RBFOX1: variants seen among roughly 807,000 people sequenced by gnomAD.
RBFOX1 encodes RNA binding protein fox-1 homolog 1.
RBFOX1 carries 8 observed loss-of-function variants against 57.7 expected under a neutral mutation model. The ratio of observed to expected loss-of-function variants is 0.14; its 90% CI spans 0.08 to 0.25. The LOEUF (loss-of-function observed/expected upper bound fraction) is 0.25. Ranked by LOEUF, RBFOX1 falls within the 10% of genes least tolerant of loss-of-function variation. The pLI is 1.00. For missense variants in RBFOX1, 611 were observed against 548.5 expected, an observed-to-expected ratio of 1.11 and a Z score of -1.14; for synonymous variants, 326 against 222.4, an observed-to-expected ratio of 1.47 and a Z score of -4.15.
intron 4 of RBFOX1, among the ~76,000 whole-genome samples, chr16:5,984,834 G>A (rs368343256): frequency 6.6e-6 from 1 of 151,332 alleles, no homozygotes; most frequent in Non-Finnish European, 1.5e-5. Flanking sequence ...ACTGAATACT[G>A]TAGGCAGTTG....
intron 2 of RBFOX1, among the ~76,000 whole-genome samples, chr16:6,385,684 C>G (rs1028649483): frequency 1.3e-5 from 2 of 152,226 alleles, no homozygotes; most frequent in African/African-American, 2.4e-5. Context: ...AACCTACTTT[C>G]TAACACTATT....
At chr16:6,256,168 T>TA (rs2097661282) in intron 1 of RBFOX1, among the ~76,000 whole-genome samples, 2 of 12,652 alleles carry the variant, frequency 1.6e-4, no homozygotes, top group Admixed American at 2.9e-3. Context: ...TGTATATATA[T>TA]ATGTATATAT....
At chr16:5,492,395 C>T (rs1301872239) in intron 2 of RBFOX1, among the ~76,000 whole-genome samples, 1 of 152,158 alleles carries the variant, frequency 6.6e-6, no homozygotes, top group African/African-American at 2.4e-5. Flanking sequence ...AGGGAGTTTG[C>T]AGTTTAATGA....
At chr16:5,901,171 C>A (rs994048038) in intron 4 of RBFOX1, among the ~76,000 whole-genome samples, 9 of 152,186 alleles carry the variant, frequency 5.9e-5, no homozygotes, top group African/African-American at 1.9e-4. Context: ...TCCCTGGACC[C>A]TCTCAGCTTA....
At chr16:5,914,289 T>C (rs533183195) in intron 4 of RBFOX1, among the ~76,000 whole-genome samples, 1 of 152,320 alleles carries the variant, frequency 6.6e-6, no homozygotes, top group African/African-American at 2.4e-5. Flanking sequence ...ATAAGAAATT[T>C]TTATTATCCC....
intron 4 of RBFOX1, among the ~76,000 whole-genome samples, chr16:5,997,096 C>T (rs372889897): frequency 6.9e-6 from 1 of 144,144 alleles, no homozygotes; most frequent in Admixed American, 6.9e-5. Flanking sequence ...TCCAAACCCA[C>T]CAGGAAGCAC....
intron 1 of RBFOX1, among the ~76,000 whole-genome samples, chr16:5,262,198 C>G (rs947672800): frequency 6.6e-6 from 1 of 152,116 alleles, no homozygotes; most frequent in African/African-American, 2.4e-5. Flanking sequence ...CATGCAGTAA[C>G]GGGGAGAGAG....
chr16:5,539,289 C>A (rs950624116), intron 2 of RBFOX1, among the ~76,000 whole-genome samples: 2 of 152,046 alleles, frequency 1.3e-5, no homozygotes, highest in Non-Finnish European at 2.9e-5. Flanking sequence ...TGTTTTTAAA[C>A]CTTGTTCCAA....
intron 2 of RBFOX1, among the ~76,000 whole-genome samples, chr16:5,526,666 C>G (rs1445505802): frequency 6.6e-6 from 1 of 152,166 alleles, no homozygotes; most frequent in Non-Finnish European, 1.5e-5. Flanking sequence ...GGCTGGCATC[C>G]CAGCCCAGGT....
chr16:6,957,232 C>T (rs757786825), intron 3 of RBFOX1, among the ~76,000 whole-genome samples: 5 of 151,426 alleles, frequency 3.3e-5, no homozygotes, highest in African/African-American at 9.7e-5. Context: ...CCCGGGTTCA[C>T]GCCATTCTCC....
chr16:6,676,673 CTTTTTTTTTT>C (rs756578276), intron 3 of RBFOX1, among the ~76,000 whole-genome samples: 1 of 103,550 alleles, frequency 9.7e-6, no homozygotes, highest in Admixed American at 1.2e-4. Context: ...TTTTTCTTTT[CTTTTTTTTTT>C]TTTTTTTTTG....
intron 4 of RBFOX1, among the ~76,000 whole-genome samples, chr16:7,509,728 T>C (rs554546094): frequency 2.3e-4 from 35 of 151,398 alleles, no homozygotes; most frequent in African/African-American, 8.2e-4. Context: ...AATTTACCTA[T>C]TGCTATCTCT....
At chr16:5,466,423 T>C (rs950435319) in intron 1 of RBFOX1, among the ~76,000 whole-genome samples, 1 of 152,194 alleles carries the variant, frequency 6.6e-6, no homozygotes, top group East Asian at 1.9e-4. Context: ...ACGGAGGTGC[T>C]TGGCTGATTT....
intron 4 of RBFOX1, among the ~76,000 whole-genome samples, chr16:7,364,266 A>G (rs866829136): frequency 6.6e-6 from 1 of 152,174 alleles, no homozygotes; most frequent in Admixed American, 6.5e-5. Flanking sequence ...GCCAGGAAAG[A>G]CGGAACCCTT....
chr16:7,150,224 G>A (rs1179785503), intron 4 of RBFOX1, among the ~76,000 whole-genome samples: 1 of 152,122 alleles, frequency 6.6e-6, no homozygotes, highest in Non-Finnish European at 1.5e-5. Flanking sequence ...CTATTGGCTG[G>A]CAACCATTTA....
At chr16:7,336,486 C>T (rs756552077) in intron 4 of RBFOX1, among the ~76,000 whole-genome samples, 7 of 152,216 alleles carry the variant, frequency 4.6e-5, no homozygotes, top group Non-Finnish European at 8.8e-5. Flanking sequence ...ATATTCACCT[C>T]ATCATGCATT....
chr16:7,481,169 T>C (rs1277450741), intron 4 of RBFOX1, among the ~76,000 whole-genome samples: 1 of 152,172 alleles, frequency 6.6e-6, no homozygotes, highest in Non-Finnish European at 1.5e-5. Context: ...CAAGGCTGTC[T>C]GGATTAGAAA....
chr16:6,701,708 C>A (rs1037232901), intron 3 of RBFOX1, among the ~76,000 whole-genome samples: 2 of 152,104 alleles, frequency 1.3e-5, no homozygotes, highest in African/African-American at 4.8e-5. Context: ...ACCTGAATGC[C>A]CATCAGCAGT....
chr16:6,450,416 G>T (rs994616349), intron 2 of RBFOX1, among the ~76,000 whole-genome samples: 10 of 151,768 alleles, frequency 6.6e-5, no homozygotes, highest in African/African-American at 1.9e-4. Flanking sequence ...TAATTTTATT[G>T]GTTATTTATT....
Sources: gnomAD v4.1 joint callset for allele counts (sites outside exome capture counted in the v4.1 genomes callset) on GRCh38, gnomAD v4.1.1 for gene constraint, MANE v1.5 for transcripts, NCBI Gene and HGNC (gene_info 2026-07-23, HGNC 2026-07-21) for gene names.